Variants in CLMN observed in about 807,000 individuals in gnomAD.
The protein encoded by CLMN is calmin (calponin-like, transmembrane).
Under a neutral mutation model 92.7 loss-of-function variants are expected in CLMN, and 57 were observed. The observed-to-expected ratio is 0.61, with a 90% CI of 0.50 to 0.77. The LOEUF (loss-of-function observed/expected upper bound fraction) is 0.77, where lower values mean the gene tolerates loss of function less well. CLMN is among the 30% of genes least tolerant of loss of function. CLMN has a pLI of 0.00. For synonymous variants in CLMN, 466 were observed against 470.6 expected (o/e 0.99, Z 0.13); for missense variants, 1,158 against 1,237.5 (o/e 0.94, Z 0.96).
At chr14:95,201,597 C>A (rs1240910203) in intron 9 of CLMN, among the ~76,000 whole-genome samples, 1 of 120,004 alleles carries the variant, frequency 8.3e-6, no homozygotes, top group Non-Finnish European at 1.7e-5. Context: ...ACTTTAAGTT[C>A]TGGGATACAC....
rs1566890717 is a variant in CLMN at position 95,245,192 on chromosome 14, AT to A, written c.83-15060del. ...GGTTATATTATATATATATATATATATAATATATATATATATTATATATATA... is the reference window on the plus strand; with the variant it reads ...GGTTATATTATATATATATATATATAAATATATATATATATTATATATATA... On this transcript the variant is annotated intron_variant, in intron 1 of 12. Transcript: ENST00000298912. Among the ~76,000 whole-genome samples, 334 of 38,106 alleles carry A rather than the reference AT, an allele frequency of 8.8e-3. 60 individuals carry two copies. Among genetic ancestry groups the A allele is most frequent in the African/African-American group, 0.038 (316 of 8,294 alleles). 25.0% of individuals were successfully genotyped at this position (38,106 alleles called of 152,430 possible). A position where few individuals can be genotyped will look rare whatever the true frequency, so the allele number is the denominator to read the frequency against.
chr14:95,309,648 T>C (rs2140794749), intron 1 of CLMN, among the ~76,000 whole-genome samples: 1 of 152,330 alleles, frequency 6.6e-6, no homozygotes, highest in East Asian at 1.9e-4. Flanking sequence ...CCCCGAGTTC[T>C]CCAGCCAGGT....
chr14:95,240,218 C>G (rs1254454426), intron 1 of CLMN, among the ~76,000 whole-genome samples: 1 of 152,210 alleles, frequency 6.6e-6, no homozygotes, highest in Non-Finnish European at 1.5e-5. Flanking sequence ...GAGAAATGTT[C>G]ATAAATCAGG....
intron 1 of CLMN, among the ~76,000 whole-genome samples, chr14:95,274,204 T>C (rs1477072328): frequency 6.6e-6 from 1 of 152,172 alleles, no homozygotes; most frequent in Non-Finnish European, 1.5e-5. Flanking sequence ...TGAACGTGTT[T>C]AGCCGTGAGC....
At chr14:95,237,596 T>G (rs2140648181) in intron 1 of CLMN, among the ~76,000 whole-genome samples, 1 of 152,278 alleles carries the variant, frequency 6.6e-6, no homozygotes, top group East Asian at 1.9e-4. Flanking sequence ...TGCTCCAGTT[T>G]TGTGCAGAGG....
At chr14:95,193,500 C>T in intron 12 of CLMN, 1 of 875,800 alleles carries the variant, frequency 1.1e-6, no homozygotes, top group Admixed American at 2.4e-5. Flanking sequence ...ACCACCTCTT[C>T]TCCTGCCTGG....
chr14:95,254,310 CG>C (rs1216631218), intron 1 of CLMN, among the ~76,000 whole-genome samples: 2 of 152,092 alleles, frequency 1.3e-5, no homozygotes, highest in Non-Finnish European at 2.9e-5. Flanking sequence ...GCTAGGACGG[CG>C]GTTAGAAAAT....
intron 4 of CLMN, 53 bp from the exon 5 acceptor site, chr14:95,215,786 T>C: frequency 7.5e-7 from 1 of 1,333,436 alleles, no homozygotes; most frequent in Non-Finnish European, 1.1e-6. Context: ...GAGGATAACA[T>C]ATGTTATTTT....
intron 9 of CLMN, among the ~76,000 whole-genome samples, chr14:95,197,013 G>A (rs1320438155): frequency 6.6e-6 from 1 of 152,136 alleles, no homozygotes; most frequent in East Asian, 1.9e-4. Flanking sequence ...TTATCTTTTT[G>A]AGCCTCAGTT....
At chr14:95,318,471 T>G (rs61982991) in intron 1 of CLMN, among the ~76,000 whole-genome samples, 22,783 of 152,136 alleles carry the variant, frequency 0.15, 2,077 homozygotes, top group Non-Finnish European at 0.21. Flanking sequence ...TTGCCCAACC[T>G]AGGGGTGGGG....
At chr14:95,230,650 G>A (rs934775054) in intron 1 of CLMN, among the ~76,000 whole-genome samples, 1 of 152,208 alleles carries the variant, frequency 6.6e-6, no homozygotes, top group Non-Finnish European at 1.5e-5. Context: ...TCATCTCCCA[G>A]CTTTGTGTGC....
chr14:95,300,782 T>A (rs1044520675), intron 1 of CLMN, among the ~76,000 whole-genome samples: 1 of 152,220 alleles, frequency 6.6e-6, no homozygotes, highest in African/African-American at 2.4e-5. Flanking sequence ...CATCATTATA[T>A]CCCGATGAGA....
chr14:95,198,229 T>C (rs1339930124), intron 9 of CLMN, among the ~76,000 whole-genome samples: 2 of 151,944 alleles, frequency 1.3e-5, no homozygotes, highest in African/African-American at 4.8e-5. Context: ...TTTGTATTTT[T>C]AGTAGAGACA....
At chr14:95,272,702 G>A (rs1899760247) in intron 1 of CLMN, among the ~76,000 whole-genome samples, 1 of 152,328 alleles carries the variant, frequency 6.6e-6, no homozygotes, top group Non-Finnish European at 1.5e-5. Context: ...ATGCTAAGAA[G>A]CAAGGTGGCC....
At chr14:95,290,266 T>C (rs1900513242) in intron 1 of CLMN, among the ~76,000 whole-genome samples, 2 of 152,236 alleles carry the variant, frequency 1.3e-5, no homozygotes, top group South Asian at 2.1e-4. Flanking sequence ...TTTGTGACTC[T>C]GTCACACTTT....
intron 1 of CLMN, among the ~76,000 whole-genome samples, chr14:95,314,830 A>G (rs1030362072): frequency 1.3e-5 from 2 of 152,258 alleles, no homozygotes; most frequent in African/African-American, 4.8e-5. Flanking sequence ...AACTTTCTAC[A>G]TGATGATTCA....
intron 1 of CLMN, among the ~76,000 whole-genome samples, chr14:95,245,177 T>TATATATATATATATATATA (rs1898418287): frequency 2.8e-5 from 1 of 35,798 alleles, no homozygotes; most frequent in Non-Finnish European, 4.7e-5. Context: ...GGTTATATTA[T>TATATATATATATATATATA]ATATATATAT....
rs1896406209 is a variant in CLMN, at chr14:95,184,958, T to G, written c.*6606A>C. The G allele has an allele frequency of 1.3e-5, 2 of 152,018 alleles. No individual in the cohort carries two copies. The highest frequency in any genetic ancestry group is 4.1e-4 in the South Asian group (2 of 4,828). The allele number at this position is 152,018 out of a possible 1,614,324, so 9.4% of individuals were successfully genotyped here. On this transcript the variant is annotated 3_prime_UTR_variant, in exon 13 of 13. Transcript: ENST00000298912. ...CTGTATCTATAAAAGATAAAAAAAT[T>G]AGGTGGGCGTGGTGGCATGCACCTG...
intron 1 of CLMN, among the ~76,000 whole-genome samples, chr14:95,249,065 G>A (rs556536217): frequency 8.2e-5 from 12 of 146,028 alleles, no homozygotes; most frequent in African/African-American, 3.3e-4. Context: ...AGAAAAAAAG[G>A]CACATGGATT....
Sources: gnomAD v4.1 joint callset for allele counts (sites outside exome capture counted in the v4.1 genomes callset) on GRCh38, gnomAD v4.1.1 for gene constraint, MANE v1.5 for transcripts, NCBI Gene and HGNC (gene_info 2026-07-23, HGNC 2026-07-21) for gene names.